NDE1: variants seen among roughly 807,000 people sequenced by gnomAD.
NDE1 encodes the protein nudE neurodevelopment protein 1.
Under a neutral mutation model 43.4 loss-of-function variants are expected in NDE1, and 28 were observed. The observed-to-expected ratio is 0.65, with a 90% confidence interval of 0.48 to 0.89. The LOEUF (loss-of-function observed/expected upper bound fraction) is 0.89, where lower values mean the gene tolerates loss of function less well. Among genes scored for constraint, NDE1 ranks in the 40% least tolerant of loss-of-function variants. NDE1 has a pLI of 0.00. For synonymous variants in NDE1, 184 were observed against 172.0 expected (o/e 1.07, Z -0.55); for missense variants, 441 against 434.1 (o/e 1.02, Z -0.14).
At chr16:15,719,957 ATACC>A (rs749856978) in intron 8 of NDE1, among the ~76,000 whole-genome samples, 1 of 152,106 alleles carries the variant, frequency 6.6e-6, no homozygotes, top group Non-Finnish European at 1.5e-5. Flanking sequence ...CAGTGGCCAA[ATACC>A]TAATAATGCT....
At chr16:15,711,575 A>G (rs1265409679) in intron 8 of NDE1, among the ~76,000 whole-genome samples, 1 of 152,196 alleles carries the variant, frequency 6.6e-6, no homozygotes, top group Non-Finnish European at 1.5e-5. Flanking sequence ...AGATCAAGTC[A>G]TTGGTATTAA....
intron 1 of NDE1, among the ~76,000 whole-genome samples, chr16:15,663,022 C>T (rs539224336): frequency 3.3e-5 from 5 of 152,278 alleles, no homozygotes; most frequent in African/African-American, 1.2e-4. Flanking sequence ...TAACTTTCTC[C>T]AATGGTTTCC....
At position 15,708,830 on chromosome 16, in the gene NDE1, G is replaced by T. The variant is rs111588143; in HGVS notation, c.947+11970G>T. The T allele has an allele frequency of 1.6e-3, 2,635 of 1,605,908 alleles. 4 individuals carry two copies. The highest frequency in any genetic ancestry group is 8.4e-3 in the African/African-American group (632 of 74,806). On this transcript the variant is annotated intron_variant, in intron 8 of 8. Coordinates refer to ENST00000396354, the MANE Select transcript of NDE1 (RefSeq NM_017668.3). ...GGTGCATCACTGCGAAGTTTCCTGT[G>T]GGGGGGGCCCTCTGAAACAGAGAGA...
At chr16:15,689,938 CAAAAAAAA>C (rs34081814) in intron 5 of NDE1, among the ~76,000 whole-genome samples, 3 of 95,086 alleles carry the variant, frequency 3.2e-5, no homozygotes, top group Admixed American at 1.1e-4. Flanking sequence ...AACTCCATCT[CAAAAAAAA>C]AAAAAAAAAA....
In NDE1 at chr16:15,716,445, C is replaced by G. The variant is rs72772018; in HGVS notation, c.948-7746C>G. Among the ~76,000 whole-genome samples, 655 of 152,222 alleles carry G rather than the reference C, an allele frequency of 4.3e-3. 2 individuals carry two copies. Among genetic ancestry groups the G allele is most frequent in the African/African-American group, 0.013 (554 of 41,536 alleles). On this transcript the variant is annotated intron_variant, in intron 8 of 8. Coordinates refer to ENST00000396354, the MANE Select transcript of NDE1 (RefSeq NM_017668.3). The stretch of plus-strand genomic sequence containing the variant: ...ATGTGCTGTGATCATATGCCTCATT[C>G]GACCCATAATTAAGAAGGCTTCCAG...
chr16:15,725,335 G>A lies in NDE1; in HGVS notation c.*1084G>A. 2 of 560,754 alleles carry A rather than the reference G, an allele frequency of 3.6e-6. No homozygotes were observed. Among genetic ancestry groups the A allele is most frequent in the Non-Finnish European group, 6.3e-6 (2 of 318,114 alleles). The allele number at this position is 560,754 out of a possible 1,614,324, so 34.7% of individuals were successfully genotyped here. A position where few individuals can be genotyped will look rare whatever the true frequency, so the allele number is the denominator to read the frequency against. On this transcript the variant is annotated 3_prime_UTR_variant, in exon 9 of 9. Transcript: ENST00000396354. ...CAAGGTTGGTAGAGACAAAGCAGCA[G>A]GTCTGAGAGTCCAGACGAGGTGCTC... is the stretch of plus-strand genomic sequence containing the variant.
intron 7 of NDE1, chr16:15,695,609 C>T (rs1380254373): frequency 1.0e-6 from 1 of 984,730 alleles, no homozygotes; most frequent in African/African-American, 1.8e-5. Flanking sequence ...CATAGGTATT[C>T]TTTGTAGTTT....
At chr16:15,714,617 A>C (rs2040012119) in intron 8 of NDE1, 1 of 546,966 alleles carries the variant, frequency 1.8e-6, no homozygotes, top group African/African-American at 1.9e-5. Flanking sequence ...GAGGGGCTGG[A>C]GGAGACAGTG....
At position 15,720,215 on chromosome 16, in the gene NDE1, T is replaced by C. The variant is rs1407081723; in HGVS notation, c.948-3976T>C. The C allele has an allele frequency of 6.2e-7, 1 of 1,614,000 alleles. No homozygotes were observed. The highest frequency in any genetic ancestry group is 8.5e-7 in the Non-Finnish European group (1 of 1,180,028). Reference sequence around the variant, plus strand: ...CTTGATGGCAGAGTCGGCCTGAAGCTCCAGGTCTTTCAGGTCCCCTTCCAG... The same window carrying C: ...CTTGATGGCAGAGTCGGCCTGAAGCCCCAGGTCTTTCAGGTCCCCTTCCAG... On this transcript the variant is annotated intron_variant, in intron 8 of 8. Coordinates refer to ENST00000396354, the MANE Select transcript of NDE1 (RefSeq NM_017668.3).
Position 15,724,128 on chromosome 16 carries a change from T to A in NDE1, c.948-63T>A, listed in dbSNP as rs200767884. The A allele has an allele frequency of 1.4e-5, 22 of 1,611,598 alleles. No homozygotes were observed. The African/African-American group carries it at 2.4e-4, about 18-fold the overall frequency. ...AGCTGATTCCCCAACCCAGCGTCCA[T>A]GGCCAGAGTGGGGGACACCCCACGC... On this transcript the variant is annotated intron_variant, in intron 8 of 8. Transcript: ENST00000396354.
intron 8 of NDE1, chr16:15,719,349 G>A (rs1377915906): frequency 6.3e-7 from 1 of 1,594,732 alleles, no homozygotes; most frequent in Admixed American, 1.7e-5. Context: ...CCAGGGAAAG[G>A]CCAAGCCCCA....
At chr16:15,661,725 C>G (rs796605325) in intron 1 of NDE1, among the ~76,000 whole-genome samples, 2 of 151,336 alleles carry the variant, frequency 1.3e-5, no homozygotes, top group African/African-American at 2.4e-5. Context: ...ATTACAGGTG[C>G]GAGGCACTGC....
chr16:15,715,347 G>T, intron 8 of NDE1: 1 of 1,422,984 alleles, frequency 7.0e-7, no homozygotes. Flanking sequence ...ACCTGGAGGT[G>T]GCATCTTGAG....
chr16:15,725,150 C>CAA lies in NDE1; in HGVS notation c.*900_*901insAA. 1.9e-6 allele frequency: 1 copy of CAA among 522,720 alleles called. No homozygotes were observed. The highest frequency in any genetic ancestry group is 3.4e-6 in the Non-Finnish European group (1 of 296,990). The allele number at this position is 522,720 out of a possible 1,614,324, so 32.4% of individuals were successfully genotyped here. A position where few individuals can be genotyped will look rare whatever the true frequency, so the allele number is the denominator to read the frequency against. On this transcript the variant is annotated 3_prime_UTR_variant, in exon 9 of 9. Transcript: ENST00000396354. Reference sequence around the variant, plus strand: ...GGACTCTGATAAAAAAAAAAAAAAACACACACACACACAAAAAAAACAGAA... The same window carrying CAA: ...GGACTCTGATAAAAAAAAAAAAAAACAAACACACACACACAAAAAAAACAGAA...
intron 8 of NDE1, among the ~76,000 whole-genome samples, chr16:15,708,534 C>T (rs940342468): frequency 6.6e-6 from 1 of 152,210 alleles, no homozygotes; most frequent in African/African-American, 2.4e-5. Flanking sequence ...CGTCAAGATG[C>T]AGTGATAAGG....
chr16:15,712,301 T>C (rs2039846719), intron 8 of NDE1, among the ~76,000 whole-genome samples: 1 of 152,048 alleles, frequency 6.6e-6, no homozygotes, highest in Non-Finnish European at 1.5e-5. Context: ...TAGATATACA[T>C]GGAATTCTAA....
At position 15,677,789 on chromosome 16, in the gene NDE1, G is replaced by A. The variant is rs747555698; in HGVS notation, c.238-12G>A. On this transcript the variant is annotated splice_polypyrimidine_tract_variant and intron_variant, in intron 3 of 8. Coordinates refer to ENST00000396354, the MANE Select transcript of NDE1 (RefSeq NM_017668.3). Reference sequence around the variant, plus strand: ...CTTAAGTCATTCACTCAGTGTCTGTGTTGTCCTTCAGGAGAAGTTTGAAGT... The same window carrying A: ...CTTAAGTCATTCACTCAGTGTCTGTATTGTCCTTCAGGAGAAGTTTGAAGT... 8 of 1,614,044 alleles carry A rather than the reference G, an allele frequency of 5.0e-6. No homozygotes were observed. In the South Asian group the frequency reaches 8.8e-5, roughly 18 times the overall value.
intron 8 of NDE1, chr16:15,713,089 T>A (rs955983019): frequency 6.6e-6 from 1 of 151,694 alleles, no homozygotes; most frequent in African/African-American, 2.4e-5. Flanking sequence ...GGTAGCAAGG[T>A]AGACATGGGG....
rs780355995 is a variant in NDE1 at position 15,667,325 on chromosome 16, G to C, written c.123G>C (p.Glu41Asp). The C allele has an allele frequency of 6.2e-7, 1 of 1,614,124 alleles. No homozygotes were observed. The highest frequency in any genetic ancestry group is 8.5e-7 in the Non-Finnish European group (1 of 1,180,030). ...AAGAGGAACTCCGAGAATTCCAGGA[G>C]GGAAGCCGAGAATATGAAGCTGAAT... Reference protein sequence around the residue: ...NTQEELREFQEGSREYEAELE... With the variant: ...NTQEELREFQDGSREYEAELE... Residue 41 changes from glutamate (E) to aspartate (D), a missense_variant, in exon 3 of 9, where the codon GAG becomes GAC. Physicochemically the swap from Glu to Asp is conservative, Grantham distance 45 (BLOSUM62 2). Transcript: ENST00000396354.
Sources: gnomAD v4.1 joint callset for allele counts (sites outside exome capture counted in the v4.1 genomes callset) on GRCh38, gnomAD v4.1.1 for gene constraint, MANE v1.5 for transcripts, NCBI Gene and HGNC (gene_info 2026-07-23, HGNC 2026-07-21) for gene names.